Variants in MAP4K4 observed in about 807,000 individuals in gnomAD.
MAP4K4 encodes HPK/GCK-like kinase HGK.
A neutral mutation model predicts 189.6 loss-of-function variants in MAP4K4; 38 were observed. The ratio of observed to expected loss-of-function variants is 0.20; its 90% CI spans 0.15 to 0.26. The LOEUF is 0.26. Among genes scored for constraint, MAP4K4 ranks in the 10% least tolerant of loss-of-function variants. The pLI is 1.00. For synonymous variants in MAP4K4, 610 were observed against 624.3 expected (o/e 0.98, Z 0.34); for missense variants, 1,054 against 1,726.9 (o/e 0.61, Z 6.91).
intron 2 of MAP4K4, among the ~76,000 whole-genome samples, chr2:101,728,256 T>TA (rs2056631010): frequency 6.6e-6 from 1 of 152,170 alleles, no homozygotes; most frequent in Admixed American, 6.5e-5. Flanking sequence ...TTGTTAGACA[T>TA]AGATTACTGG....
intron 2 of MAP4K4, among the ~76,000 whole-genome samples, chr2:101,766,763 T>C (rs2078812911): frequency 6.6e-6 from 1 of 152,226 alleles, no homozygotes; most frequent in Non-Finnish European, 1.5e-5. Context: ...GTCTTTTGCA[T>C]AGGTTGAGGT....
chr2:101,887,064 A>C, intron 29 of MAP4K4, 24 bp from the exon 30 acceptor site: 1 of 1,440,394 alleles, frequency 6.9e-7, no homozygotes, highest in South Asian at 1.4e-5. Context: ...TCATCTTCTC[A>C]CTTCTCTTAT....
intron 2 of MAP4K4, among the ~76,000 whole-genome samples, chr2:101,759,328 A>G (rs1357461720): frequency 1.3e-5 from 2 of 151,938 alleles, no homozygotes; most frequent in Non-Finnish European, 2.9e-5. Context: ...TCATGACACC[A>G]TCTCCTTGGC....
intron 2 of MAP4K4, among the ~76,000 whole-genome samples, chr2:101,752,312 T>A (rs2069506669): frequency 6.6e-6 from 1 of 152,206 alleles, no homozygotes; most frequent in East Asian, 1.9e-4. Flanking sequence ...TCATACAGTT[T>A]TAAATTCCTC....
intron 28 of MAP4K4, 62 bp from the exon 29 acceptor site, chr2:101,885,125 T>A: frequency 1.2e-6 from 1 of 815,990 alleles, no homozygotes; most frequent in Non-Finnish European, 2.0e-6. Flanking sequence ...ACTAAAACAG[T>A]TTAGAGGGCT....
At chr2:101,851,056 A>G (rs2097266737) in intron 12 of MAP4K4, among the ~76,000 whole-genome samples, 1 of 152,206 alleles carries the variant, frequency 6.6e-6, no homozygotes, top group Admixed American at 6.5e-5. Context: ...TCTCACTATT[A>G]CTAGTGTAAT....
intron 21 of MAP4K4, among the ~76,000 whole-genome samples, chr2:101,868,325 T>C (rs1232619738): frequency 6.6e-6 from 1 of 152,116 alleles, no homozygotes; most frequent in Non-Finnish European, 1.5e-5. Context: ...TGGCTCAAGC[T>C]CAAAGAAAAG....
intron 2 of MAP4K4, among the ~76,000 whole-genome samples, chr2:101,743,830 G>A (rs1020275893): frequency 1.2e-4 from 18 of 152,046 alleles, no homozygotes; most frequent in Admixed American, 1.2e-3. Context: ...GCTAATTTTT[G>A]TATTTGTAGT....
rs1055097764 is a variant in MAP4K4 at position 101,849,506 on chromosome 2, A to AT, written c.1233+5204dup. Among the ~76,000 whole-genome samples, 10 of 149,594 alleles carry AT rather than the reference A, an allele frequency of 6.7e-5. No homozygotes were observed. In the East Asian group the frequency reaches 7.8e-4, roughly 12 times the overall value. On this transcript the variant is annotated intron_variant, in intron 12 of 32. Transcript: ENST00000324219. ...CATACAAGACTTTGGGTCTAGTTAA[A>AT]TTTTTTTTTGCATTTTGTTCACAAG...
intron 32 of MAP4K4, among the ~76,000 whole-genome samples, chr2:101,890,309 A>AT (rs2098547275): frequency 1.3e-5 from 2 of 152,120 alleles, no homozygotes; most frequent in South Asian, 4.1e-4. Flanking sequence ...AGAAACATCC[A>AT]TTTTTTTCCT....
chr2:101,885,699 A>G (rs2098470361), intron 29 of MAP4K4, among the ~76,000 whole-genome samples: 1 of 152,244 alleles, frequency 6.6e-6, no homozygotes, highest in African/African-American at 2.4e-5. Flanking sequence ...TAAAAATTAA[A>G]TTACAGAAAT....
At chr2:101,758,678 T>C (rs982946883) in intron 2 of MAP4K4, among the ~76,000 whole-genome samples, 2 of 152,188 alleles carry the variant, frequency 1.3e-5, no homozygotes, top group Admixed American at 1.3e-4. Context: ...GTAGCTTTCC[T>C]TTTAGGAGGA....
intron 2 of MAP4K4, among the ~76,000 whole-genome samples, chr2:101,700,844 A>G (rs1239782155): frequency 6.6e-6 from 1 of 151,752 alleles, no homozygotes; most frequent in East Asian, 1.9e-4. Context: ...GGGAACTTCA[A>G]TCTTAGAAGT....
intron 12 of MAP4K4, among the ~76,000 whole-genome samples, chr2:101,846,557 G>A (rs530657137): frequency 3.3e-5 from 5 of 152,262 alleles, no homozygotes; most frequent in African/African-American, 9.6e-5. Context: ...GAAGGTGAGC[G>A]ATGGTAGAAG....
chr2:101,760,116 G>T (rs2075546416), intron 2 of MAP4K4, among the ~76,000 whole-genome samples: 1 of 151,722 alleles, frequency 6.6e-6, no homozygotes, highest in Non-Finnish European at 1.5e-5. Context: ...AAAGTGTTGG[G>T]ATCACAGGCA....
intron 2 of MAP4K4, among the ~76,000 whole-genome samples, chr2:101,758,363 A>G (rs2074006162): frequency 6.6e-6 from 1 of 152,242 alleles, no homozygotes; most frequent in South Asian, 2.1e-4. Flanking sequence ...TCTGTTTGGC[A>G]GTATAGTATA....
intron 3 of MAP4K4, among the ~76,000 whole-genome samples, chr2:101,813,851 T>C (rs1030470361): frequency 6.6e-6 from 1 of 152,232 alleles, no homozygotes; most frequent in African/African-American, 2.4e-5. Flanking sequence ...GGTAGCCCTG[T>C]AGAGTCAGAT....
At chr2:101,859,929 G>C in intron 15 of MAP4K4, 65 bp downstream of exon 15, 1 of 1,439,400 alleles carries the variant, frequency 6.9e-7, no homozygotes, top group African/African-American at 1.4e-5. Context: ...CTTCAGAACT[G>C]TGTCATATGA....
chr2:101,817,224 TG>T (rs1457123493), intron 3 of MAP4K4, among the ~76,000 whole-genome samples: 3 of 152,168 alleles, frequency 2.0e-5, no homozygotes, highest in Admixed American at 6.5e-5. Context: ...TCAGGATTCC[TG>T]GGTGTTGATG....
Sources: allele counts gnomAD v4.1 joint callset (sites outside exome capture counted in the v4.1 genomes callset), GRCh38; gene constraint gnomAD v4.1.1; transcripts MANE v1.5; gene names NCBI Gene and HGNC (gene_info 2026-07-23, HGNC 2026-07-21).